Variants in SYNE1 observed in about 807,000 individuals in gnomAD.
SYNE1 encodes nesprin-1.
A neutral mutation model predicts 1,111.0 loss-of-function variants in SYNE1; 616 were observed. The observed-to-expected ratio is 0.55, with a 90% CI of 0.52 to 0.59. SYNE1 has a LOEUF of 0.59. SYNE1 is among the 20% of genes least tolerant of loss of function. The pLI is 0.00. For missense variants in SYNE1, 10,006 were observed against 10,417.0 expected (o/e 0.96, Z 1.72); for synonymous variants, 3,855 against 3,825.8 (o/e 1.01, Z -0.28).
Position 152,592,766 on chromosome 6 carries a change from C to G in SYNE1, c.67+35499G>C, listed in dbSNP as rs373605951. Among the ~76,000 whole-genome samples the G allele has an allele frequency of 3.3e-5, 5 of 152,354 alleles. No homozygotes were observed. In the East Asian group the frequency reaches 9.6e-4, roughly 29 times the overall value. ...TGATAATATCCTCTCCACCTTCACT[C>G]ACAGATGAGAGGGCAGAGAATTTAT... On this transcript the variant is annotated intron_variant, in intron 3 of 145. Coordinates refer to ENST00000367255, the MANE Select transcript of SYNE1 (RefSeq NM_182961.4).
At chr6:152,596,691 T>C (rs2128588386) in intron 3 of SYNE1, among the ~76,000 whole-genome samples, 1 of 152,342 alleles carries the variant, frequency 6.6e-6, no homozygotes, top group East Asian at 1.9e-4. Flanking sequence ...AAGGAAAAGG[T>C]ATGGGAAGCA....
intron 100 of SYNE1, among the ~76,000 whole-genome samples, chr6:152,262,770 T>C (rs1049686321): frequency 1.4e-5 from 2 of 142,486 alleles, no homozygotes; most frequent in Admixed American, 1.4e-4. Context: ...GTACAGGGCA[T>C]GGAGGTATAG....
intron 3 of SYNE1, among the ~76,000 whole-genome samples, chr6:152,603,976 C>G (rs916861948): frequency 7.1e-6 from 1 of 140,130 alleles, no homozygotes; most frequent in Admixed American, 7.1e-5. Flanking sequence ...ATGTATATCT[C>G]TATATCTGTA....
At chr6:152,401,008 C>A in intron 47 of SYNE1, 130 bp downstream of exon 47, 1 of 850,366 alleles carries the variant, frequency 1.2e-6, no homozygotes, top group Admixed American at 2.1e-5. Context: ...TGTTCAATGT[C>A]ATAAATAAGT....
At chr6:152,152,293 G>A (rs2060573568) in intron 133 of SYNE1, 152 bp from the exon 134 acceptor site, 2 of 736,644 alleles carry the variant, frequency 2.7e-6, no homozygotes, top group South Asian at 3.1e-5. Context: ...ACTTCCCCTT[G>A]TTAATGCAAA....
At position 152,133,441 on chromosome 6, in the gene SYNE1, C is replaced by T. The variant is rs1562907350; in HGVS notation, c.25836G>A (p.Leu8612=). ...LLESQLRVAS[L]QDMSCQLLVN... ...CCAGTAGTTGGCAAGACATGTCTTGCAAAGAGGCTACTCTGAGTTGGGATT... is the reference window on the plus strand; with the variant it reads ...CCAGTAGTTGGCAAGACATGTCTTGTAAAGAGGCTACTCTGAGTTGGGATT... Residue 8612 remains leucine (L), a synonymous_variant, in exon 143 of 146, where the codon TTG becomes TTA. Coordinates refer to ENST00000367255, the MANE Select transcript of SYNE1 (RefSeq NM_182961.4). 1.2e-6 allele frequency: 2 copies of T among 1,614,166 alleles called. No homozygotes were observed. Among genetic ancestry groups the T allele is most frequent in the Non-Finnish European group, 1.7e-6 (2 of 1,180,022 alleles).
At chr6:152,212,978 C>T (rs944908957) in intron 123 of SYNE1, among the ~76,000 whole-genome samples, 2 of 152,132 alleles carry the variant, frequency 1.3e-5, no homozygotes, top group Admixed American at 6.5e-5. Context: ...AGACCTATCT[C>T]TCCATGTGCA....
intron 49 of SYNE1, 149 bp from the exon 50 acceptor site, chr6:152,397,129 C>A: frequency 1.3e-6 from 1 of 764,472 alleles, no homozygotes; most frequent in Non-Finnish European, 2.2e-6. Flanking sequence ...TGGGCACAAC[C>A]AAGGCTCCTC....
In SYNE1 at chr6:152,269,202, G is replaced by C; in HGVS notation, c.18658C>G (p.Arg6220Gly). The change falls in exon 99 of 146, where the codon CGC becomes GGC. Residue 6220 changes from arginine (R) to glycine (G), a missense_variant. Around this residue, in one of 7 missense-constraint regions of SYNE1, gnomAD observed 2,182 missense variants for 2,287.8 expected, o/e 0.95. Transcript: ENST00000367255. The stretch of plus-strand genomic sequence containing the variant: ...TGCCGCTGCTGGGTCCATGTGGTGC[G>C]AGCTTGGGCCAGCCATTCCTGGACG... Reference protein sequence around the residue: ...PGVQEWLAQARTTWTQQRQSS... With the variant: ...PGVQEWLAQAGTTWTQQRQSS... 6.2e-7 allele frequency: 1 copy of C among 1,614,156 alleles called. No individual in the cohort carries two copies. The highest frequency in any genetic ancestry group is 8.5e-7 in the Non-Finnish European group (1 of 1,180,044).
intron 98 of SYNE1, among the ~76,000 whole-genome samples, chr6:152,270,332 G>A (rs1399841231): frequency 6.6e-6 from 1 of 152,102 alleles, no homozygotes; most frequent in Non-Finnish European, 1.5e-5. Context: ...AAGCTTAATT[G>A]AGCCTTGAGA....
Position 152,300,775 on chromosome 6 carries a change from C to T in SYNE1, c.17548G>A (p.Ala5850Thr). ...SAHPSVVMMT[A>T]GRCHTLLSPV... ...GACAGCAAAGTGTGACAGCGACCTGCAGTCATCTGCCACGTAAAATGTAGC... is the reference window on the plus strand; with the variant it reads ...GACAGCAAAGTGTGACAGCGACCTGTAGTCATCTGCCACGTAAAATGTAGC... The change falls in exon 93 of 146, where the codon GCA becomes ACA. Residue 5850 changes from alanine to threonine, a missense_variant. Physicochemically the swap from Ala to Thr is moderately conservative, Grantham distance 58. This residue lies in a region of SYNE1 where 4,955 missense variants were observed against 5,017.2 expected (regional missense o/e 0.99). Transcript: ENST00000367255. 1 of 1,614,214 alleles carries T rather than the reference C, an allele frequency of 6.2e-7. No homozygotes were observed.
intron 14 of SYNE1, 171 bp from the exon 15 acceptor site, chr6:152,472,584 T>C (rs1427469515): frequency 1.4e-6 from 1 of 711,170 alleles, no homozygotes; most frequent in East Asian, 2.7e-5. Flanking sequence ...GAATAGGAGC[T>C]GGGTGCTTGT....
At chr6:152,354,401 A>G (rs532773103) in intron 67 of SYNE1, among the ~76,000 whole-genome samples, 1 of 152,352 alleles carries the variant, frequency 6.6e-6, no homozygotes, top group East Asian at 1.9e-4. Context: ...GCATTCATGT[A>G]TCTTCACAAA....
At chr6:152,473,872 C>G (rs1276445024) in intron 14 of SYNE1, among the ~76,000 whole-genome samples, 2 of 152,134 alleles carry the variant, frequency 1.3e-5, no homozygotes, top group Non-Finnish European at 2.9e-5. Flanking sequence ...CAAACAAAAA[C>G]ATTTTCACAC....
At position 152,255,144 on chromosome 6, in the gene SYNE1, A is replaced by T. The variant is rs1051135209; in HGVS notation, c.19261-55T>A. ...GTTTAGATACATGAATTGATATGCA[A>T]ATCATGTTATTTTCTCATAGAAAGT... is the stretch of plus-strand genomic sequence containing the variant. On this transcript the variant is annotated intron_variant, in intron 103 of 145. Coordinates refer to ENST00000367255, the MANE Select transcript of SYNE1 (RefSeq NM_182961.4). The T allele has an allele frequency of 2.1e-6, 3 of 1,421,000 alleles. No homozygotes were observed. In the African/African-American group the frequency reaches 4.2e-5, roughly 20 times the overall value. 88.0% of individuals were successfully genotyped at this position (1,421,000 alleles called of 1,614,324 possible). A position where few individuals can be genotyped will look rare whatever the true frequency, so the allele number is the denominator to read the frequency against.
intron 129 of SYNE1, among the ~76,000 whole-genome samples, chr6:152,179,889 T>C (rs2067504434): frequency 6.6e-6 from 1 of 151,954 alleles, no homozygotes; most frequent in Non-Finnish European, 1.5e-5. Flanking sequence ...TTCACCATGT[T>C]GGCCAGGATG....
chr6:152,290,295 A>T (rs1036443104), intron 95 of SYNE1, among the ~76,000 whole-genome samples: 4 of 152,232 alleles, frequency 2.6e-5, no homozygotes, highest in Non-Finnish European at 5.9e-5. Flanking sequence ...GGTGGCTCAC[A>T]CCTGTAATCC....
intron 3 of SYNE1, among the ~76,000 whole-genome samples, chr6:152,562,986 G>A (rs1167560243): frequency 1.3e-5 from 2 of 151,794 alleles, no homozygotes; most frequent in Admixed American, 1.3e-4. Context: ...TTCTTTTAAA[G>A]TCTACTCCAC....
intron 49 of SYNE1, 32 bp downstream of exon 49, chr6:152,398,587 G>T: frequency 6.3e-7 from 1 of 1,581,616 alleles, no homozygotes; most frequent in South Asian, 1.1e-5. Context: ...GTACATTTTG[G>T]GGAAGAAGGA....
Sources: gnomAD v4.1 joint callset for allele counts (sites outside exome capture counted in the v4.1 genomes callset) on GRCh38, gnomAD v4.1.1 for gene constraint, gnomAD v4.1.1 regional missense constraint, MANE v1.5 for transcripts, NCBI Gene and HGNC (gene_info 2026-07-23, HGNC 2026-07-21) for gene names.